IGSF5: variants seen among roughly 807,000 people sequenced by gnomAD.
The protein encoded by IGSF5 is immunoglobulin superfamily 5 like.
Under a neutral mutation model 39.4 loss-of-function variants are expected in IGSF5, and 41 were observed. That is an observed-to-expected ratio of 1.04 (90% CI 0.81 to 1.35). The LOEUF (loss-of-function observed/expected upper bound fraction) is 1.35, where lower values mean the gene tolerates loss of function less well. Ranked by LOEUF, IGSF5 falls within the 40% of genes most tolerant of loss-of-function variation. IGSF5 has a pLI of 0.00. For synonymous variants in IGSF5, 183 were observed against 175.3 expected (o/e 1.04, Z -0.34); for missense variants, 487 against 494.6 (o/e 0.98, Z 0.15).
chr21:39,744,502 C>T (rs921668819), upstream of IGSF5, among the ~76,000 whole-genome samples: 5 of 152,326 alleles, frequency 3.3e-5, no homozygotes, highest in Middle Eastern at 3.4e-3. Context: ...GTCTCCGTAT[C>T]AATTACTGAA....
At chr21:39,734,437 A>AAAAC in the IGSF5 span, among the ~76,000 whole-genome samples, 3 of 59,502 alleles carry the variant, frequency 5.0e-5, no homozygotes, top group Admixed American at 1.6e-4. Context: ...AAAAAAAAAA[A>AAAAC]ATACACACAC....
intron 7 of IGSF5, among the ~76,000 whole-genome samples, chr21:39,793,018 G>T (rs375984482): frequency 5.3e-4 from 76 of 144,612 alleles, no homozygotes; most frequent in East Asian, 6.1e-4. Context: ...CATTTTTTTT[G>T]ATTTTACCAT....
At chr21:39,746,065 CT>C in intron 1 of IGSF5, 150 bp from the exon 2 acceptor site, 1 of 648,788 alleles carries the variant, frequency 1.5e-6, no homozygotes, top group South Asian at 1.6e-5. Flanking sequence ...TGTTATAGCT[CT>C]ATTAGAAGCT....
chr21:39,761,919 T>C (rs1459669584), intron 2 of IGSF5, among the ~76,000 whole-genome samples: 1 of 152,158 alleles, frequency 6.6e-6, no homozygotes, highest in Non-Finnish European at 1.5e-5. Context: ...CCTCCTGCCT[T>C]GACCTCCCAA....
chr21:39,792,795 C>T (rs2086972947), intron 7 of IGSF5, among the ~76,000 whole-genome samples: 1 of 152,108 alleles, frequency 6.6e-6, no homozygotes, highest in East Asian at 1.9e-4. Flanking sequence ...TCTAAGACAA[C>T]ATCACCAGGA....
intron 5 of IGSF5, among the ~76,000 whole-genome samples, chr21:39,779,907 G>A (rs143575613): frequency 1.3e-5 from 2 of 152,298 alleles, no homozygotes; most frequent in African/African-American, 4.8e-5. Context: ...TGGGAATGGG[G>A]GTTGGGGAGA....
the IGSF5 span, among the ~76,000 whole-genome samples, chr21:39,734,253 T>A: frequency 6.6e-6 from 1 of 151,818 alleles, no homozygotes; most frequent in East Asian, 1.9e-4. Flanking sequence ...TGAAACCCCA[T>A]CTCTACTGAA....
At chr21:39,749,153 A>AG (rs984529188) in intron 2 of IGSF5, among the ~76,000 whole-genome samples, 15 of 152,238 alleles carry the variant, frequency 9.9e-5, no homozygotes, top group African/African-American at 3.6e-4. Context: ...GGGGAGGAGA[A>AG]GGGGGGAGAA....
chr21:39,791,780 C>T (rs1222685696), intron 6 of IGSF5: 1 of 460,124 alleles, frequency 2.2e-6, no homozygotes, highest in African/African-American at 2.0e-5. Context: ...GGAGTAGAGT[C>T]CATGGACCAG....
intron 6 of IGSF5, among the ~76,000 whole-genome samples, chr21:39,788,977 G>A (rs1043783581): frequency 1.3e-5 from 2 of 152,126 alleles, no homozygotes; most frequent in African/African-American, 4.8e-5. Flanking sequence ...ATGTGGCAAA[G>A]GTTATCCCTT....
chr21:39,777,981 A>G (rs182789135), intron 4 of IGSF5, among the ~76,000 whole-genome samples: 5 of 152,344 alleles, frequency 3.3e-5, no homozygotes, highest in Admixed American at 2.0e-4. Context: ...AGTATTTTCT[A>G]AAGACTAGTA....
chr21:39,730,335 G>C, the IGSF5 span: 1 of 151,988 alleles, frequency 6.6e-6, no homozygotes, highest in Non-Finnish European at 1.5e-5. Flanking sequence ...GATTGGATTA[G>C]GGCCCACTAT....
At chr21:39,787,227 A>C (rs1056868010) in intron 5 of IGSF5, among the ~76,000 whole-genome samples, 1 of 152,220 alleles carries the variant, frequency 6.6e-6, no homozygotes, top group Non-Finnish European at 1.5e-5. Context: ...GCTGGAGGGC[A>C]TTCATCTCTT....
At chr21:39,773,159 T>C (rs1432546271) in intron 4 of IGSF5, among the ~76,000 whole-genome samples, 1 of 152,136 alleles carries the variant, frequency 6.6e-6, no homozygotes, top group African/African-American at 2.4e-5. Context: ...CCCCAGTGTG[T>C]GTTGTTCCCC....
intron 2 of IGSF5, among the ~76,000 whole-genome samples, chr21:39,757,193 C>T (rs1452350725): frequency 6.6e-6 from 1 of 152,192 alleles, no homozygotes; most frequent in Non-Finnish European, 1.5e-5. Flanking sequence ...GAAGTGGTAG[C>T]TGGTCCCCCT....
chr21:39,779,114 C>T lies in IGSF5; in HGVS notation c.743C>T (p.Pro248Leu), dbSNP rs1246155458. Residue 248 changes from proline to leucine, a missense_variant, in exon 5 of 9, where the codon CCA (proline) becomes CTA (leucine). Physicochemically the swap from Pro to Leu is moderately conservative, Grantham distance 98. Coordinates refer to ENST00000380588, the MANE Select transcript of IGSF5 (RefSeq NM_001080444.2). Reference sequence around the variant, plus strand: ...GACACTGGAGGTGGTATTAATATTCCAGGTGTATTATCAAGTTTACCGAGT... The same window carrying T: ...GACACTGGAGGTGGTATTAATATTCTAGGTGTATTATCAAGTTTACCGAGT... ...PQDTGGGINI[P>L]GVLSSLPSLG... 1 of 1,612,276 alleles carries T rather than the reference C, an allele frequency of 6.2e-7. No homozygotes were observed. Among genetic ancestry groups the T allele is most frequent in the African/African-American group, 1.3e-5 (1 of 74,778 alleles).
intron 2 of IGSF5, among the ~76,000 whole-genome samples, chr21:39,748,702 G>A (rs1013852156): frequency 2.0e-5 from 3 of 152,108 alleles, no homozygotes; most frequent in Admixed American, 1.3e-4. Flanking sequence ...CAATTTCGGG[G>A]GAACACAATT....
At chr21:39,754,528 T>G (rs2837155) in intron 2 of IGSF5, among the ~76,000 whole-genome samples, 107,783 of 152,052 alleles carry the variant, frequency 0.71, 40,922 homozygotes, top group Non-Finnish European at 0.84. Context: ...AAGCACCAAT[T>G]TTCTTTCTGA....
At chr21:39,768,901 C>T (rs756952915) in intron 3 of IGSF5, among the ~76,000 whole-genome samples, 2 of 152,134 alleles carry the variant, frequency 1.3e-5, no homozygotes, top group Admixed American at 6.5e-5. Flanking sequence ...CCCTGAGATC[C>T]TTTCAGGGTG....
Sources: gnomAD v4.1 joint callset for allele counts (sites outside exome capture counted in the v4.1 genomes callset) on GRCh38, gnomAD v4.1.1 for gene constraint, MANE v1.5 for transcripts, NCBI Gene and HGNC (gene_info 2026-07-23, HGNC 2026-07-21) for gene names.